Variants in JAML observed in about 807,000 individuals in gnomAD.
JAML encodes the protein junction adhesion molecule like.
A neutral mutation model predicts 39.3 loss-of-function variants in JAML; 25 were observed. The observed-to-expected ratio is 0.64, with a 90% CI of 0.46 to 0.89. The LOEUF (loss-of-function observed/expected upper bound fraction) is 0.89. JAML is among the 40% of genes least tolerant of loss of function. JAML has a pLI of 0.00. For synonymous variants in JAML, 162 were observed against 179.2 expected, an observed-to-expected ratio of 0.90 and a Z score of 0.77; for missense variants, 440 against 486.9, an observed-to-expected ratio of 0.90 and a Z score of 0.91.
intron 9 of JAML, among the ~76,000 whole-genome samples, chr11:118,195,774 G>T (rs147335017): frequency 1.3e-5 from 2 of 152,124 alleles, no homozygotes; most frequent in African/African-American, 4.8e-5. Context: ...CAAGGAAAAC[G>T]ACTCACAGCA....
Position 118,194,172 on chromosome 11 carries a change from G to A in JAML, c.*153C>T, listed in dbSNP as rs1466218240. On this transcript the variant is annotated 3_prime_UTR_variant, in exon 10 of 10. Coordinates refer to ENST00000356289, the MANE Select transcript of JAML (RefSeq NM_001098526.2). ...CAGAGCTGTCCAGTCTCTCTGCCAG[G>A]CTCCAAATTCTCCATCTTCAGTGTA... 1.0e-5 allele frequency: 7 copies of A among 675,574 alleles called. No individual in the cohort carries two copies. Among genetic ancestry groups the A allele is most frequent in the Non-Finnish European group, 1.3e-5 (5 of 380,590 alleles). The allele number at this position is 675,574 out of a possible 1,614,324, so 41.8% of individuals were successfully genotyped here. A position where few individuals can be genotyped will look rare whatever the true frequency, so the allele number is the denominator to read the frequency against.
intron 4 of JAML, among the ~76,000 whole-genome samples, chr11:118,206,461 A>G (rs989443079): frequency 2.0e-5 from 3 of 152,212 alleles, no homozygotes; most frequent in African/African-American, 7.2e-5. Context: ...CATAAACAGG[A>G]AGTGGAAAGT....
chr11:118,210,482 C>T lies in JAML; in HGVS notation c.424+5G>A, dbSNP rs757931054. ...TGGCCCCTCTTTAAGTAAGCATTTG[C>T]GTACCTTTGGGCTCCTCTGGAAGCA... On this transcript the variant is annotated splice_donor_5th_base_variant and intron_variant, in intron 4 of 9. Coordinates refer to ENST00000356289, the MANE Select transcript of JAML (RefSeq NM_001098526.2). The T allele has an allele frequency of 2.6e-5, 42 of 1,613,334 alleles. No individual in the cohort carries two copies. Among genetic ancestry groups the T allele is most frequent in the Non-Finnish European group, 3.3e-5 (39 of 1,179,876 alleles).
intron 1 of JAML, among the ~76,000 whole-genome samples, chr11:118,220,607 C>T (rs1000390697): frequency 6.6e-6 from 1 of 152,198 alleles, no homozygotes; most frequent in African/African-American, 2.4e-5. Context: ...CCTCCTCGAT[C>T]TTTTATAACC....
chr11:118,205,842 C>A, intron 5 of JAML, 40 bp downstream of exon 5: 1 of 1,569,594 alleles, frequency 6.4e-7, no homozygotes, highest in Non-Finnish European at 8.8e-7. Flanking sequence ...TACCATCAGC[C>A]AGAGCCTTCT....
chr11:118,194,499 C>G, intron 9 of JAML, 82 bp from the exon 10 acceptor site: 1 of 1,152,068 alleles, frequency 8.7e-7, no homozygotes. Context: ...TCATTGAGCT[C>G]TTCTCATGAG....
chr11:118,210,686 G>A lies in JAML; in HGVS notation c.225C>T (p.Ser75=). The change falls in exon 4 of 10, where the codon TCC becomes TCT. Residue 75 remains serine (S), a synonymous_variant. Coordinates refer to ENST00000356289, the MANE Select transcript of JAML (RefSeq NM_001098526.2). ...AGCGCCCAATAGGCACACTGAGATTGGAGTAATAGTATAGCACATATTCGT... is the reference window on the plus strand; with the variant it reads ...AGCGCCCAATAGGCACACTGAGATTAGAGTAATAGTATAGCACATATTCGT... The part of the protein sequence containing the change: ...AKDEYVLYYY[S]NLSVPIGRFQ... 1.9e-6 allele frequency: 3 copies of A among 1,614,160 alleles called. No homozygotes were observed. Among genetic ancestry groups the A allele is most frequent in the Non-Finnish European group, 2.5e-6 (3 of 1,180,000 alleles).
At chr11:118,194,726 G>GA (rs923415022) in intron 9 of JAML, among the ~76,000 whole-genome samples, 1 of 152,162 alleles carries the variant, frequency 6.6e-6, no homozygotes, top group African/African-American at 2.4e-5. Flanking sequence ...TACAGCCTCA[G>GA]AAAGGGAAAA....
intron 1 of JAML, among the ~76,000 whole-genome samples, chr11:118,217,730 A>C (rs1399317964): frequency 6.6e-6 from 1 of 152,164 alleles, no homozygotes; most frequent in South Asian, 2.1e-4. Context: ...CAACAACCCC[A>C]TGAGGTTTTA....
intron 4 of JAML, chr11:118,209,197 CCAGT>C (rs754123178): frequency 4.3e-5 from 11 of 253,136 alleles, no homozygotes; most frequent in Non-Finnish European, 8.7e-5. Flanking sequence ...CAACTAATAC[CCAGT>C]CAAAGAGGCG....
chr11:118,214,878 C>T lies in JAML; in HGVS notation c.-12G>A. ...AGTGGGCAAAACATGCTGCTCTCAA[C>T]TTTCAAATCTTAAGATAAAAGAACA... On this transcript the variant is annotated 5_prime_UTR_variant, in exon 2 of 10. Transcript: ENST00000356289. 2 of 1,613,898 alleles carry T rather than the reference C, an allele frequency of 1.2e-6. No homozygotes were observed. The highest frequency in any genetic ancestry group is 1.7e-6 in the Non-Finnish European group (2 of 1,179,896).
At chr11:118,194,755 T>C (rs527473161) in intron 9 of JAML, among the ~76,000 whole-genome samples, 45 of 152,274 alleles carry the variant, frequency 3.0e-4, no homozygotes, top group Middle Eastern at 3.4e-3. Flanking sequence ...TGCCACTACA[T>C]TTACATGAAT....
intron 1 of JAML, chr11:118,223,997 A>C (rs1035275652): frequency 1.8e-4 from 28 of 152,164 alleles, no homozygotes; most frequent in African/African-American, 5.8e-4. Context: ...TCTTTTACTC[A>C]CAGAGTGTTG....
At chr11:118,206,298 C>T (rs1479989611) in intron 4 of JAML, among the ~76,000 whole-genome samples, 2 of 152,176 alleles carry the variant, frequency 1.3e-5, no homozygotes, top group African/African-American at 4.8e-5. Flanking sequence ...ACCATAAACA[C>T]TTTCTGGTCC....
chr11:118,205,473 GAACT>G (rs1251712313), intron 5 of JAML: 1 of 165,802 alleles, frequency 6.0e-6, no homozygotes, highest in Non-Finnish European at 1.3e-5. Flanking sequence ...AAAACTCACA[GAACT>G]AACCCCAGTA....
At chr11:118,209,320 T>C (rs1948993815) in intron 4 of JAML, 1 of 161,542 alleles carries the variant, frequency 6.2e-6, no homozygotes, top group Admixed American at 6.4e-5. Flanking sequence ...GGCAGCCCAA[T>C]GAATACAACA....
chr11:118,213,232 A>T (rs1949095830), intron 2 of JAML: 2 of 1,263,804 alleles, frequency 1.6e-6, no homozygotes, highest in Non-Finnish European at 2.0e-6. Flanking sequence ...TCGAGCGGTC[A>T]CTACAAGAAA....
At chr11:118,199,478 A>G (rs895378769) in intron 7 of JAML, among the ~76,000 whole-genome samples, 1 of 152,120 alleles carries the variant, frequency 6.6e-6, no homozygotes, top group Non-Finnish European at 1.5e-5. Flanking sequence ...AGTCAGGACT[A>G]TTCATGAGGC....
rs1377751810 is a variant in JAML at position 118,222,895 on chromosome 11, G to A, written c.-21+2046C>T. ...AGATCACTTGAGGTTAGGAGTTCCA[G>A]ACCAGCCTGGCCAACATGGCAAAAC... On this transcript the variant is annotated intron_variant, in intron 1 of 9. Coordinates refer to ENST00000356289, the MANE Select transcript of JAML (RefSeq NM_001098526.2). This position sits in a 1 kb window ranked among gnomAD's most constrained non-coding sequence, Gnocchi z 4.2. Among the ~76,000 whole-genome samples the A allele has an allele frequency of 2.6e-5, 4 of 152,090 alleles. No homozygotes were observed. The highest frequency in any genetic ancestry group is 9.7e-5 in the African/African-American group (4 of 41,402).
Sources: gnomAD v4.1 joint callset for allele counts (sites outside exome capture counted in the v4.1 genomes callset) on GRCh38, gnomAD v4.1.1 for gene constraint, Gnocchi (gnomAD v3.1) non-coding constraint, MANE v1.5 for transcripts, NCBI Gene and HGNC (gene_info 2026-07-23, HGNC 2026-07-21) for gene names.